DLGAP1: variants seen among roughly 807,000 people sequenced by gnomAD.
DLGAP1 encodes the protein DLG associated protein 1, also known as disks large-associated protein 1.
In DLGAP1, 11 loss-of-function variants were observed where a neutral mutation model predicts 90.8. The ratio of observed to expected loss-of-function variants is 0.12; its 90% CI spans 0.08 to 0.20. The LOEUF (loss-of-function observed/expected upper bound fraction) is 0.20, where lower values mean the gene tolerates loss of function less well. Among genes scored for constraint, DLGAP1 ranks in the 10% least tolerant of loss-of-function variants. The probability of loss-of-function intolerance (pLI) is 1.00; values close to 1 mark genes in which losing one functional copy is unlikely to be tolerated. For missense variants in DLGAP1, 1,050 were observed against 1,333.8 expected (o/e 0.79, Z 3.31); for synonymous variants, 558 against 540.7 (o/e 1.03, Z -0.44).
chr18:4,344,446 T>A (rs1253777077), intron 1 of DLGAP1, among the ~76,000 whole-genome samples: 1 of 152,174 alleles, frequency 6.6e-6, no homozygotes, highest in East Asian at 1.9e-4. Flanking sequence ...AAAATAATAG[T>A]AATGTCATCT....
chr18:3,976,163 A>G (rs1337899206), intron 3 of DLGAP1, among the ~76,000 whole-genome samples: 2 of 151,256 alleles, frequency 1.3e-5, no homozygotes, highest in Non-Finnish European at 2.9e-5. Flanking sequence ...CCTGACCAAC[A>G]TGGAGAAACC....
chr18:3,943,714 A>C (rs1007808738), intron 3 of DLGAP1, among the ~76,000 whole-genome samples: 7 of 152,180 alleles, frequency 4.6e-5, no homozygotes, highest in African/African-American at 9.6e-5. Context: ...TCCTTTCCAA[A>C]TTCCTAAGTT....
At chr18:3,963,210 T>A (rs79906254) in intron 3 of DLGAP1, among the ~76,000 whole-genome samples, 1 of 152,136 alleles carries the variant, frequency 6.6e-6, no homozygotes, top group African/African-American at 2.4e-5. Context: ...CACTTCAGAA[T>A]ACCCACTTGG....
At chr18:3,926,411 TATATATATATACACACAC>T (rs1173186093) in intron 3 of DLGAP1, among the ~76,000 whole-genome samples, 4 of 51,720 alleles carry the variant, frequency 7.7e-5, no homozygotes, top group East Asian at 1.4e-3. Context: ...CATATATATA[TATATATATATACACACAC>T]ACACACACAC....
At chr18:4,450,057 C>T (rs757506416) in intron 1 of DLGAP1, among the ~76,000 whole-genome samples, 5 of 152,156 alleles carry the variant, frequency 3.3e-5, no homozygotes, top group Admixed American at 6.5e-5. Flanking sequence ...AATGTCTACA[C>T]GAAAATAGCT....
At position 3,696,832 on chromosome 18, in the gene DLGAP1, T is replaced by C. The variant is rs541534002; in HGVS notation, c.1591+32303A>G. On this transcript the variant is annotated intron_variant, in intron 7 of 12. Coordinates refer to ENST00000315677, the MANE Select transcript of DLGAP1 (RefSeq NM_004746.4). Reference sequence around the variant, plus strand: ...GCTGTGAATCTGTCTGGTCCTGGACTGTTTTGGTTGGTAGGCTATTAATTA... The same window carrying C: ...GCTGTGAATCTGTCTGGTCCTGGACCGTTTTGGTTGGTAGGCTATTAATTA... Among the ~76,000 whole-genome samples, 4 of 152,296 alleles carry C rather than the reference T, an allele frequency of 2.6e-5. No individual in the cohort carries two copies. In the South Asian group the frequency reaches 8.3e-4, roughly 32 times the overall value.
intron 5 of DLGAP1, among the ~76,000 whole-genome samples, chr18:3,796,106 T>C (rs1270358314): frequency 6.6e-6 from 1 of 152,192 alleles, no homozygotes; most frequent in African/African-American, 2.4e-5. Context: ...ATCACCAGCA[T>C]TGATTACTGA....
At chr18:3,864,680 A>C (rs2070279772) in intron 4 of DLGAP1, among the ~76,000 whole-genome samples, 1 of 152,192 alleles carries the variant, frequency 6.6e-6, no homozygotes, top group Non-Finnish European at 1.5e-5. Flanking sequence ...TTATTCTGAT[A>C]GACTTCCGAA....
At chr18:3,766,001 C>T (rs139957578) in intron 5 of DLGAP1, among the ~76,000 whole-genome samples, 4 of 151,646 alleles carry the variant, frequency 2.6e-5, no homozygotes, top group Non-Finnish European at 4.4e-5. Flanking sequence ...CCTAACATGT[C>T]AATAATTGCA....
intron 2 of DLGAP1, among the ~76,000 whole-genome samples, chr18:4,037,044 G>A (rs1008969055): frequency 6.6e-6 from 1 of 152,124 alleles, no homozygotes; most frequent in Non-Finnish European, 1.5e-5. Flanking sequence ...ATTGTATAGT[G>A]CCACAGACTC....
At chr18:3,730,311 T>A (rs933266903) in intron 6 of DLGAP1, among the ~76,000 whole-genome samples, 5 of 152,064 alleles carry the variant, frequency 3.3e-5, no homozygotes, top group African/African-American at 7.2e-5. Flanking sequence ...TAATGTATTT[T>A]AAAAAAATTT....
rs368972753 is a variant in DLGAP1, at chr18:3,730,450, AG to A, written c.1351-1076del. Among the ~76,000 whole-genome samples the A allele has an allele frequency of 6.7e-3, 1,015 of 152,274 alleles. 12 individuals are homozygous for A. Among genetic ancestry groups the A allele is most frequent in the African/African-American group, 0.022 (914 of 41,536 alleles). ...TTACATTAGGTTTGAGCCCCACTTA[AG>A]AAAAAATATTCCTGACTAGATGTTC... On this transcript the variant is annotated intron_variant, in intron 6 of 12. Transcript: ENST00000315677.
At chr18:3,562,642 T>G (rs1476131515) in intron 9 of DLGAP1, among the ~76,000 whole-genome samples, 2 of 149,218 alleles carry the variant, frequency 1.3e-5, no homozygotes, top group Non-Finnish European at 3.0e-5. Context: ...CCTCCTGGGT[T>G]CAAGTGATTT....
chr18:4,143,613 G>A (rs561030214), intron 2 of DLGAP1, among the ~76,000 whole-genome samples: 1 of 151,940 alleles, frequency 6.6e-6, no homozygotes, highest in African/African-American at 2.4e-5. Context: ...ACTCCACTGT[G>A]AGCAAGCTAG....
intron 7 of DLGAP1, among the ~76,000 whole-genome samples, chr18:3,682,039 A>G (rs2060530594): frequency 6.6e-6 from 1 of 150,758 alleles, no homozygotes; most frequent in Non-Finnish European, 1.5e-5. Context: ...AATTGCTTGA[A>G]CCTGGGAAGC....
At chr18:3,977,434 G>GGTTTTTTTTTTTTTTTTTTTTTTTT in intron 3 of DLGAP1, among the ~76,000 whole-genome samples, 1 of 95,332 alleles carries the variant, frequency 1.0e-5, no homozygotes, top group Non-Finnish European at 2.0e-5. Context: ...TTTATTCTGT[G>GGTTTTTTTTTTTTTTTTTTTTTTTT]TTTTTTTTTT....
At position 3,839,051 on chromosome 18, in the gene DLGAP1, AT is replaced by A. The variant is rs565133841; in HGVS notation, c.958-24779del. Among the ~76,000 whole-genome samples, 52 of 152,366 alleles carry A rather than the reference AT, an allele frequency of 3.4e-4. 1 individual carries two copies. In the South Asian group the frequency reaches 9.9e-3, roughly 29 times the overall value. ...AATGAAATTAATGTCTATTTCATGC[AT>A]GAAGCAGCTCTATTACGTGCTTTTA... On this transcript the variant is annotated intron_variant, in intron 4 of 12. Coordinates refer to ENST00000315677, the MANE Select transcript of DLGAP1 (RefSeq NM_004746.4).
chr18:3,835,067 A>G lies in DLGAP1; in HGVS notation c.958-20794T>C, dbSNP rs1009378404. ...CAACCAGAATTTTATATTCAAAGTT[A>G]AGAAAATTTACATGTAACTGTATGC... On this transcript the variant is annotated intron_variant, in intron 4 of 12. Coordinates refer to ENST00000315677, the MANE Select transcript of DLGAP1 (RefSeq NM_004746.4). Among the ~76,000 whole-genome samples the G allele has an allele frequency of 3.3e-5, 5 of 152,318 alleles. 2 individuals are homozygous for G. The highest frequency in any genetic ancestry group is 1.3e-4 in the Admixed American group (2 of 15,304).
intron 5 of DLGAP1, among the ~76,000 whole-genome samples, chr18:3,796,994 A>T (rs548417537): frequency 6.6e-6 from 1 of 152,254 alleles, no homozygotes; most frequent in East Asian, 1.9e-4. Context: ...TTTAGATGTG[A>T]TCACAAGGGT....
Sources: allele counts gnomAD v4.1 joint callset (sites outside exome capture counted in the v4.1 genomes callset), GRCh38; gene constraint gnomAD v4.1.1; transcripts MANE v1.5; gene names NCBI Gene and HGNC (gene_info 2026-07-23, HGNC 2026-07-21).